Variants in GOLGA3 observed in about 807,000 individuals in gnomAD.
GOLGA3 encodes golgin subfamily A member 3.
A neutral mutation model predicts 169.4 loss-of-function variants in GOLGA3; 75 were observed. The ratio of observed to expected loss-of-function variants is 0.44; its 90% CI spans 0.37 to 0.54. The LOEUF is 0.54. Ranked by LOEUF, GOLGA3 falls within the 20% of genes least tolerant of loss-of-function variation. The pLI, the probability that GOLGA3 is intolerant of heterozygous loss-of-function variation, is 0.00. For synonymous variants in GOLGA3, 824 were observed against 822.4 expected, an observed-to-expected ratio of 1.00 and a Z score of -0.03; for missense variants, 1,899 against 1,930.0, an observed-to-expected ratio of 0.98 and a Z score of 0.30.
chr12:132,791,363 C>T, intron 11 of GOLGA3, 70 bp from the exon 12 acceptor site: 1 of 815,306 alleles, frequency 1.2e-6, no homozygotes, highest in Non-Finnish European at 2.0e-6. Flanking sequence ...ACAGATGTTA[C>T]ACTGAAGCCT....
chr12:132,770,724 T>G lies in GOLGA3; in HGVS notation c.*2381A>C, dbSNP rs1433623298. ...ATCTCGGCTCACTGCAAGCTCCGCC[T>G]CCTGGGTTCAAGTGATTCTCCTGCC... On this transcript the variant is annotated 3_prime_UTR_variant, in exon 24 of 24. Transcript: ENST00000450791. The G allele has an allele frequency of 6.6e-6, 1 of 152,280 alleles. No homozygotes were observed. The highest frequency in any genetic ancestry group is 1.5e-5 in the Non-Finnish European group (1 of 68,076). 9.4% of individuals were successfully genotyped at this position (152,280 alleles called of 1,614,324 possible).
At chr12:132,807,425 A>C in intron 5 of GOLGA3, 137 bp from the exon 6 acceptor site, 1 of 537,634 alleles carries the variant, frequency 1.9e-6, no homozygotes, top group Non-Finnish European at 3.3e-6. Context: ...TTAAGTAGAG[A>C]GCTGAGGCTT....
intron 14 of GOLGA3, 26 bp from the exon 15 acceptor site, chr12:132,786,581 G>A (rs775663607): frequency 1.2e-6 from 2 of 1,609,478 alleles, no homozygotes; most frequent in Admixed American, 3.3e-5. Context: ...GGAGACACAG[G>A]AGGAAGCTGA....
chr12:132,805,859 A>G (rs1446464158), intron 6 of GOLGA3, among the ~76,000 whole-genome samples: 2 of 152,234 alleles, frequency 1.3e-5, no homozygotes, highest in African/African-American at 4.8e-5. Context: ...ACAGAATGCC[A>G]GACGTGTAGA....
chr12:132,815,633 C>T (rs749346130), intron 3 of GOLGA3, among the ~76,000 whole-genome samples: 2 of 152,226 alleles, frequency 1.3e-5, no homozygotes, highest in Admixed American at 6.5e-5. Flanking sequence ...CAGTGGCTCA[C>T]GCCTATAATC....
Position 132,775,177 on chromosome 12 carries a change from C to T in GOLGA3, c.4107G>A (p.Gln1369=). ...CGCCGCGGCGTAGGTCCAGCTTGAGCTGCTGGTTCTGCTGGAGCAGGGTCT... is the reference window on the plus strand; with the variant it reads ...CGCCGCGGCGTAGGTCCAGCTTGAGTTGCTGGTTCTGCTGGAGCAGGGTCT... ...NMKTLLQQNQ[Q]LKLDLRRGAA... Residue 1369 remains glutamine (Q), a synonymous_variant, in exon 22 of 24, where the codon CAG becomes CAA. Transcript: ENST00000450791. 1.2e-6 allele frequency: 2 copies of T among 1,614,090 alleles called. No homozygotes were observed. The highest frequency in any genetic ancestry group is 1.3e-5 in the African/African-American group (1 of 75,056).
Position 132,796,236 on chromosome 12 carries a change from A to G in GOLGA3, c.2101-16T>C. The G allele has an allele frequency of 1.3e-6, 2 of 1,577,590 alleles. No individual in the cohort carries two copies. Among genetic ancestry groups the G allele is most frequent in the South Asian group, 1.1e-5 (1 of 89,352 alleles). On this transcript the variant is annotated splice_polypyrimidine_tract_variant and intron_variant, in intron 10 of 23. Transcript: ENST00000450791. ...TCAACTTCACCTGGAGAAGGAATGAAGCCCACATGGCTGCGCCTGACCCTC... is the reference window on the plus strand; with the variant it reads ...TCAACTTCACCTGGAGAAGGAATGAGGCCCACATGGCTGCGCCTGACCCTC...
upstream of GOLGA3, chr12:132,828,954 C>T (rs139805702): frequency 0.019 from 2,872 of 152,416 alleles, 42 homozygotes; most frequent in Non-Finnish European, 0.029. Flanking sequence ...GAACGTCCTC[C>T]TCTTCTTCAA....
At chr12:132,779,776 C>T (rs540962163) in intron 18 of GOLGA3, among the ~76,000 whole-genome samples, 2 of 131,592 alleles carry the variant, frequency 1.5e-5, no homozygotes, top group African/African-American at 5.6e-5. Flanking sequence ...TGGACACCCC[C>T]CCCGTGCACA....
intron 4 of GOLGA3, among the ~76,000 whole-genome samples, chr12:132,812,537 T>C (rs759610274): frequency 6.6e-6 from 1 of 152,094 alleles, no homozygotes; most frequent in Non-Finnish European, 1.5e-5. Flanking sequence ...GGGGTCAAAA[T>C]ATCAACATTA....
intron 15 of GOLGA3, 118 bp from the exon 16 acceptor site, chr12:132,784,425 GAC>G (rs1245635480): frequency 6.0e-6 from 5 of 839,036 alleles, no homozygotes; most frequent in African/African-American, 1.7e-5. Context: ...CCAGCTGTCT[GAC>G]ACAGTCTCAC....
intron 1 of GOLGA3, among the ~76,000 whole-genome samples, chr12:132,826,459 A>G (rs1164527224): frequency 6.6e-6 from 1 of 151,670 alleles, no homozygotes; most frequent in African/African-American, 2.4e-5. Flanking sequence ...GAACACAGCC[A>G]AAGACGCTCA....
intron 23 of GOLGA3, 114 bp downstream of exon 23, chr12:132,774,043 T>A: frequency 1.0e-6 from 1 of 984,656 alleles, no homozygotes. Flanking sequence ...CACCCTTATA[T>A]AAACCTGCTG....
chr12:132,810,217 C>T (rs1156551063), intron 4 of GOLGA3, among the ~76,000 whole-genome samples: 1 of 152,156 alleles, frequency 6.6e-6, no homozygotes, highest in Non-Finnish European at 1.5e-5. Context: ...CACTGCACTC[C>T]AGCCTGGGTG....
intron 2 of GOLGA3, among the ~76,000 whole-genome samples, chr12:132,820,824 G>A (rs903143238): frequency 6.6e-6 from 1 of 152,116 alleles, no homozygotes; most frequent in African/African-American, 2.4e-5. Context: ...ATTCGGCCAG[G>A]CACAGTGGCT....
chr12:132,789,008 C>T lies in GOLGA3; in HGVS notation c.2811+19G>A. 1 of 1,420,926 alleles carries T rather than the reference C, an allele frequency of 7.0e-7. No individual in the cohort carries two copies. The highest frequency in any genetic ancestry group is 9.4e-7 in the Non-Finnish European group (1 of 1,064,364). 88.0% of individuals were successfully genotyped at this position (1,420,926 alleles called of 1,614,324 possible). A position where few individuals can be genotyped will look rare whatever the true frequency, so the allele number is the denominator to read the frequency against. ...GCCGAATCCTCCCCATCAAATGAGT[C>T]AACCCGACACGGACAGACCTGCAAG... On this transcript the variant is annotated intron_variant, in intron 13 of 23. Coordinates refer to ENST00000450791, the MANE Select transcript of GOLGA3 (RefSeq NM_001389683.1).
chr12:132,825,160 G>A (rs116164125), intron 1 of GOLGA3, among the ~76,000 whole-genome samples: 3,200 of 152,238 alleles, frequency 0.021, 50 homozygotes, highest in Non-Finnish European at 0.019. Flanking sequence ...TCTGCCTTGC[G>A]GGGGTGGGGT....
chr12:132,786,633 CCCCGG>C, intron 14 of GOLGA3, 55 bp downstream of exon 14: 3 of 1,051,576 alleles, frequency 2.9e-6, no homozygotes, highest in Non-Finnish European at 4.0e-6. Context: ...TTCGCCTCCC[CCCCGG>C]CCCCCGCACC....
chr12:132,773,998 T>C (rs1422196413), intron 23 of GOLGA3, among the ~76,000 whole-genome samples, 159 bp downstream of exon 23: 2 of 150,954 alleles, frequency 1.3e-5, no homozygotes, highest in Admixed American at 6.6e-5. Flanking sequence ...GTCCCTCCCT[T>C]ATATAAACCT....
Sources: allele counts gnomAD v4.1 joint callset (sites outside exome capture counted in the v4.1 genomes callset), GRCh38; gene constraint gnomAD v4.1.1; transcripts MANE v1.5; gene names NCBI Gene and HGNC (gene_info 2026-07-23, HGNC 2026-07-21).